The following ANK2 variants were observed in gnomAD, a reference collection of about 807,000 sequenced individuals.
ANK2 encodes the protein ankyrin-2.
Under a neutral mutation model 360.5 loss-of-function variants are expected in ANK2, and 83 were observed. The observed-to-expected ratio is 0.23, with a 90% CI of 0.19 to 0.28. The LOEUF (loss-of-function observed/expected upper bound fraction) is 0.28, where lower values mean the gene tolerates loss of function less well. Among genes scored for constraint, ANK2 ranks in the 10% least tolerant of loss-of-function variants. The probability of loss-of-function intolerance (pLI) is 1.00; values close to 1 mark genes in which losing one functional copy is unlikely to be tolerated. For missense variants in ANK2, 4,201 were observed against 4,795.7 expected (o/e 0.88, Z 3.66); for synonymous variants, 1,740 against 1,759.5 (o/e 0.99, Z 0.28).
rs2078780240 is a variant in ANK2, at chr4:112,887,615, C to T, written c.-39-16840C>T. 5.3e-5 allele frequency among the ~76,000 whole-genome samples: 8 copies of T among 152,150 alleles called. No individual in the cohort carries two copies. In the South Asian group the frequency reaches 1.7e-3, roughly 32 times the overall value. ...ATACACTCTTCAATTTTTGTATTTA[C>T]TCATGTGCAGATAGGTATGAGTGAA... On this transcript the variant is annotated intron_variant, in intron 1 of 30. Transcript: ENST00000503271.
chr4:113,358,832 T>C lies in ANK2; in HGVS notation c.10214T>C (p.Val3405Ala), dbSNP rs1437645668. ...SSLDSKTKCPVKTRSYTETET... is the reference protein window; with the variant it reads ...SSLDSKTKCPAKTRSYTETET... ...TTGGATTCAAAGACCAAATGCCCAG[T>C]AAAAACCCGAAGTTACACTGAGACA... Residue 3405 changes from valine to alanine, a missense_variant, in exon 38 of 46, where the codon GTA becomes GCA. Val to Ala is a moderately conservative substitution (Grantham distance 64, BLOSUM62 0). This residue lies in a region of ANK2 where 2,642 missense variants were observed against 2,714.5 expected (regional missense o/e 0.97). Transcript: ENST00000357077. 2 of 1,613,862 alleles carry C rather than the reference T, an allele frequency of 1.2e-6. No homozygotes were observed. The highest frequency in any genetic ancestry group is 1.3e-5 in the African/African-American group (1 of 74,858).
chr4:113,145,012 T>C (rs1027848195), intron 1 of ANK2, among the ~76,000 whole-genome samples: 3 of 152,000 alleles, frequency 2.0e-5, no homozygotes, highest in Admixed American at 6.5e-5. Context: ...ATTTCAAAGA[T>C]TGGATGGTGT....
intron 9 of ANK2, among the ~76,000 whole-genome samples, chr4:113,245,661 C>T (rs1401755562): frequency 1.3e-5 from 2 of 152,150 alleles, no homozygotes; most frequent in Non-Finnish European, 2.9e-5. Context: ...GGGTCCCTCC[C>T]ATGACACATA....
At chr4:112,780,326 T>C in the ANK2 span, among the ~76,000 whole-genome samples, 2 of 152,290 alleles carry the variant, frequency 1.3e-5, no homozygotes, top group South Asian at 2.1e-4. Context: ...AACTACAATA[T>C]TGCAGTCTAA....
At chr4:112,738,807 C>T in the ANK2 span, 2 of 625,314 alleles carry the variant, frequency 3.2e-6, no homozygotes, top group Non-Finnish European at 6.1e-6. Flanking sequence ...CAACAGGGTT[C>T]ATAGAAGGTT....
At position 113,247,492 on chromosome 4, in the gene ANK2, C is replaced by T. The variant is rs3025738; in HGVS notation, c.892-2272C>T. Among the ~76,000 whole-genome samples the T allele has an allele frequency of 3.2e-3, 488 of 152,230 alleles. 15 individuals are homozygous for T. The East Asian group carries it at 0.068, about 21-fold the overall frequency. ...TCTTGTGGGTATATTAAATGTTCTC[C>T]ATAAAGCTCCTGTTGTTACTCTGAG... On this transcript the variant is annotated intron_variant, in intron 9 of 45. Coordinates refer to ENST00000357077, the MANE Select transcript of ANK2 (RefSeq NM_001148.6).
chr4:112,758,521 C>T, the ANK2 span, among the ~76,000 whole-genome samples: 1 of 152,168 alleles, frequency 6.6e-6, no homozygotes, highest in African/African-American at 2.4e-5. Flanking sequence ...AGCGATTCTC[C>T]TGCCTCAGCC....
At chr4:112,958,348 T>A (rs367647786) in intron 2 of ANK2, among the ~76,000 whole-genome samples, 1,625 of 152,254 alleles carry the variant, frequency 0.011, 18 homozygotes, top group Middle Eastern at 0.034. Context: ...TCCCGGCACC[T>A]CGGGAGGCCG....
At chr4:112,838,982 C>T (rs536536215) in intron 1 of ANK2, among the ~76,000 whole-genome samples, 15 of 152,308 alleles carry the variant, frequency 9.8e-5, no homozygotes, top group African/African-American at 3.6e-4. Flanking sequence ...TTTCCCCTAT[C>T]AAATAATGGC....
At chr4:112,925,987 A>G (rs2154229501) in intron 2 of ANK2, among the ~76,000 whole-genome samples, 1 of 152,324 alleles carries the variant, frequency 6.6e-6, no homozygotes, top group African/African-American at 2.4e-5. Context: ...ACTTGCTTGA[A>G]TCTTTTATTT....
intron 26 of ANK2, among the ~76,000 whole-genome samples, chr4:113,320,098 C>A (rs2085244196): frequency 1.3e-5 from 2 of 152,136 alleles, no homozygotes; most frequent in Admixed American, 1.3e-4. Flanking sequence ...TCTTTCATTA[C>A]TGAAGGGCAG....
chr4:112,927,482 A>G (rs115302470), intron 2 of ANK2, among the ~76,000 whole-genome samples: 4,351 of 152,288 alleles, frequency 0.029, 84 homozygotes, highest in Non-Finnish European at 0.045. Context: ...TCACTGGATC[A>G]GGAGACAGGA....
At chr4:112,724,406 A>G in the ANK2 span, among the ~76,000 whole-genome samples, 6 of 152,274 alleles carry the variant, frequency 3.9e-5, no homozygotes, top group South Asian at 2.1e-4. Flanking sequence ...TCATTTGACA[A>G]ATATATTTTG....
At chr4:112,906,141 A>T (rs932750645) in intron 2 of ANK2, among the ~76,000 whole-genome samples, 4 of 152,184 alleles carry the variant, frequency 2.6e-5, no homozygotes, top group Admixed American at 2.0e-4. Context: ...TTATAGTATG[A>T]TAAAGGAGAA....
intron 4 of ANK2, among the ~76,000 whole-genome samples, chr4:113,206,173 G>T (rs148818190): frequency 0.04 from 6,102 of 152,154 alleles, 164 homozygotes; most frequent in Non-Finnish European, 0.056. Flanking sequence ...ATGGTGGTTT[G>T]CTGCACCTAT....
chr4:112,934,002 G>T (rs1340299148), intron 2 of ANK2, among the ~76,000 whole-genome samples: 1 of 152,096 alleles, frequency 6.6e-6, no homozygotes, highest in Non-Finnish European at 1.5e-5. Context: ...TGTGAGAATG[G>T]TTAAAGATGC....
chr4:113,317,511 G>A (rs1437401669), intron 24 of ANK2, 196 bp from the exon 25 acceptor site: 7 of 625,458 alleles, frequency 1.1e-5, no homozygotes, highest in Admixed American at 4.4e-5. Context: ...GCCATTGAGC[G>A]GTAGGAACCT....
chr4:113,342,878 G>T (rs1258732794), intron 33 of ANK2, 139 bp from the exon 34 acceptor site: 1 of 1,075,662 alleles, frequency 9.3e-7, no homozygotes, highest in African/African-American at 1.6e-5. Flanking sequence ...CAGATAGACA[G>T]AATGTCAGTT....
the ANK2 span, among the ~76,000 whole-genome samples, chr4:112,712,299 C>T: frequency 1.3e-5 from 2 of 150,056 alleles, no homozygotes; most frequent in African/African-American, 2.4e-5. Flanking sequence ...AGACTGGTCT[C>T]GAACTTCTAA....
Sources: allele counts gnomAD v4.1 joint callset (sites outside exome capture counted in the v4.1 genomes callset), GRCh38; gene constraint gnomAD v4.1.1; regional missense constraint gnomAD v4.1.1; transcripts MANE v1.5; gene names NCBI Gene and HGNC (gene_info 2026-07-23, HGNC 2026-07-21).